The following THSD7A variants were observed in gnomAD, a reference collection of about 807,000 sequenced individuals.
THSD7A encodes thrombospondin type 1 domain containing 7A.
Under a neutral mutation model 231.3 loss-of-function variants are expected in THSD7A, and 96 were observed. The ratio of observed to expected loss-of-function variants is 0.41; its 90% CI spans 0.35 to 0.49. THSD7A has a LOEUF of 0.49. Ranked by LOEUF, THSD7A falls within the 20% of genes least tolerant of loss-of-function variation. THSD7A has a pLI of 0.05. For synonymous variants in THSD7A, 940 were observed against 743.3 expected (o/e 1.26, Z -4.30); for missense variants, 2,290 against 2,070.2 (o/e 1.11, Z -2.06).
rs149527038 is a variant in THSD7A at position 11,432,696 on chromosome 7, T to A, written c.3065-3571A>T. 1.2e-4 allele frequency among the ~76,000 whole-genome samples: 19 copies of A among 152,182 alleles called. No individual in the cohort carries two copies. In the East Asian group the frequency reaches 3.3e-3, roughly 26 times the overall value. ...TTCTATTGTGTGAATATACTATGAC[T>A]TGTTTATTCATTCTATTGGTGGTGG... On this transcript the variant is annotated intron_variant, in intron 13 of 27. Transcript: ENST00000423059.
chr7:11,521,640 C>A (rs1788270804), intron 6 of THSD7A, among the ~76,000 whole-genome samples: 1 of 142,216 alleles, frequency 7.0e-6, no homozygotes, highest in Non-Finnish European at 1.5e-5. Context: ...GTGCGCTGCA[C>A]CCACTAACGT....
At chr7:11,621,181 G>A (rs891097073) in intron 2 of THSD7A, among the ~76,000 whole-genome samples, 1 of 152,154 alleles carries the variant, frequency 6.6e-6, no homozygotes, top group Non-Finnish European at 1.5e-5. Context: ...ACACAGCAGA[G>A]AACATGCATC....
chr7:11,680,435 T>A (rs897308258), intron 1 of THSD7A, among the ~76,000 whole-genome samples: 1 of 152,030 alleles, frequency 6.6e-6, no homozygotes, highest in African/African-American at 2.4e-5. Flanking sequence ...TGGGAGAAAA[T>A]TTTTGCAATG....
chr7:11,457,168 C>A (rs1267725863), intron 11 of THSD7A, among the ~76,000 whole-genome samples: 1 of 151,922 alleles, frequency 6.6e-6, no homozygotes, highest in East Asian at 1.9e-4. Context: ...GGAAATGTTA[C>A]CCAAATTTCC....
intron 1 of THSD7A, among the ~76,000 whole-genome samples, chr7:11,682,160 G>A (rs1783894019): frequency 6.6e-6 from 1 of 152,040 alleles, no homozygotes; most frequent in Non-Finnish European, 1.5e-5. Context: ...GTACATGTAA[G>A]TACATATCCC....
intron 1 of THSD7A, among the ~76,000 whole-genome samples, chr7:11,664,861 T>C (rs1040142685): frequency 2.0e-5 from 3 of 152,026 alleles, no homozygotes. Context: ...CATTTTTGTT[T>C]TTCCTTATCT....
intron 11 of THSD7A, among the ~76,000 whole-genome samples, chr7:11,448,730 T>C (rs1315345521): frequency 6.6e-6 from 1 of 152,098 alleles, no homozygotes; most frequent in East Asian, 1.9e-4. Context: ...CTCTGTGTAG[T>C]TGAACACAAC....
At chr7:11,628,595 T>G (rs911182925) in intron 2 of THSD7A, among the ~76,000 whole-genome samples, 3 of 152,184 alleles carry the variant, frequency 2.0e-5, no homozygotes, top group African/African-American at 4.8e-5. Flanking sequence ...CCTCTAATAT[T>G]TTATTGTTTC....
chr7:11,528,625 T>G (rs1788576001), intron 6 of THSD7A, among the ~76,000 whole-genome samples: 3 of 152,172 alleles, frequency 2.0e-5, no homozygotes, highest in African/African-American at 7.2e-5. Context: ...AATTCTAACA[T>G]TTTAATGAGC....
At chr7:11,502,842 T>C (rs1429371544) in intron 6 of THSD7A, among the ~76,000 whole-genome samples, 2 of 152,128 alleles carry the variant, frequency 1.3e-5, no homozygotes, top group Non-Finnish European at 2.9e-5. Context: ...TGCTGATGGA[T>C]AGAAAGAATC....
intron 1 of THSD7A, among the ~76,000 whole-genome samples, chr7:11,794,640 T>A (rs1317886692): frequency 6.6e-6 from 1 of 152,090 alleles, no homozygotes; most frequent in East Asian, 1.9e-4. Context: ...AATTTTCCAG[T>A]AAGCTTTAAT....
At chr7:11,718,511 A>G (rs1272380652) in intron 1 of THSD7A, among the ~76,000 whole-genome samples, 2 of 151,618 alleles carry the variant, frequency 1.3e-5, no homozygotes, top group African/African-American at 4.8e-5. Flanking sequence ...ATTCCATGGA[A>G]CTAGCAGGTA....
At chr7:11,793,820 C>T (rs1784039574) in intron 1 of THSD7A, among the ~76,000 whole-genome samples, 1 of 151,812 alleles carries the variant, frequency 6.6e-6, no homozygotes, top group African/African-American at 2.4e-5. Flanking sequence ...CTTTGGACTT[C>T]CAATGTGGGT....
intron 1 of THSD7A, among the ~76,000 whole-genome samples, chr7:11,644,857 T>C (rs1262817224): frequency 6.6e-6 from 1 of 151,962 alleles, no homozygotes; most frequent in Admixed American, 6.6e-5. Flanking sequence ...TAAGTACCAA[T>C]AGTATGAGGA....
chr7:11,827,467 T>C (rs1035106880), intron 1 of THSD7A, among the ~76,000 whole-genome samples: 16 of 152,184 alleles, frequency 1.1e-4, no homozygotes, highest in African/African-American at 3.6e-4. Context: ...AAATACTTTT[T>C]GCCACAATCT....
At chr7:11,640,406 T>C (rs1490174459) in intron 1 of THSD7A, among the ~76,000 whole-genome samples, 3 of 152,178 alleles carry the variant, frequency 2.0e-5, no homozygotes, top group African/African-American at 7.2e-5. Context: ...ATTGATTATC[T>C]AGAGATTTTT....
At chr7:11,704,333 CT>C (rs1780695203) in intron 1 of THSD7A, among the ~76,000 whole-genome samples, 1 of 150,758 alleles carries the variant, frequency 6.6e-6, no homozygotes. Context: ...TAATAATATA[CT>C]TTGGTATATA....
In THSD7A at chr7:11,487,033, C is replaced by T. The variant is rs1260645664; in HGVS notation, c.1823-5051G>A. Among the ~76,000 whole-genome samples the T allele has an allele frequency of 2.6e-5, 4 of 151,958 alleles. No individual in the cohort carries two copies. In the East Asian group the frequency reaches 5.8e-4, roughly 22 times the overall value. On this transcript the variant is annotated intron_variant, in intron 6 of 27. Coordinates refer to ENST00000423059, the MANE Select transcript of THSD7A (RefSeq NM_015204.3). ...GATTTAAATGTTTATATTTGTATTCCTCCATTTATCTTTCTTCAAAAATGT... is the reference window on the plus strand; with the variant it reads ...GATTTAAATGTTTATATTTGTATTCTTCCATTTATCTTTCTTCAAAAATGT...
At chr7:11,462,346 G>C (rs1785538931) in intron 9 of THSD7A, among the ~76,000 whole-genome samples, 2 of 152,154 alleles carry the variant, frequency 1.3e-5, no homozygotes, top group African/African-American at 2.4e-5. Context: ...TAAAAATAGA[G>C]AAAATGTGAA....
Sources: allele counts gnomAD v4.1 joint callset (sites outside exome capture counted in the v4.1 genomes callset), GRCh38; gene constraint gnomAD v4.1.1; transcripts MANE v1.5; gene names NCBI Gene and HGNC (gene_info 2026-07-23, HGNC 2026-07-21).